TBC1D4: variants seen among roughly 807,000 people sequenced by gnomAD.
The protein encoded by TBC1D4 is TBC (Tre-2, BUB2, CDC16) domain-containing protein.
TBC1D4 carries 121 observed loss-of-function variants against 142.5 expected under a neutral mutation model. The ratio of observed to expected loss-of-function variants is 0.85; its 90% CI spans 0.73 to 0.99. TBC1D4 has a LOEUF of 0.99. Ranked by LOEUF, TBC1D4 falls within the 50% of genes least tolerant of loss-of-function variation. The probability of loss-of-function intolerance (pLI) is 0.00; values close to 1 mark genes in which losing one functional copy is unlikely to be tolerated. For missense variants in TBC1D4, 1,475 were observed against 1,606.6 expected (o/e 0.92, Z 1.40); for synonymous variants, 630 against 628.2 (o/e 1.00, Z -0.04).
intron 4 of TBC1D4, among the ~76,000 whole-genome samples, chr13:75,355,034 A>C (rs752332417): frequency 7.9e-5 from 12 of 152,206 alleles, no homozygotes; most frequent in Non-Finnish European, 1.0e-4. Context: ...TCTTTTAGAG[A>C]AAAAGATGAA....
intron 11 of TBC1D4, among the ~76,000 whole-genome samples, chr13:75,322,954 G>C (rs1878902910): frequency 1.2e-4 from 18 of 152,060 alleles, no homozygotes. Context: ...GTTGGAACAT[G>C]ACTTTGTACT....
intron 1 of TBC1D4, among the ~76,000 whole-genome samples, chr13:75,403,563 A>T (rs981361788): frequency 3.3e-5 from 5 of 152,238 alleles, no homozygotes; most frequent in Admixed American, 2.0e-4. Flanking sequence ...TGCTGCTCCA[A>T]AATAAAGCAA....
chr13:75,458,397 G>A (rs9573546), intron 1 of TBC1D4, among the ~76,000 whole-genome samples: 5,332 of 152,124 alleles, frequency 0.035, 246 homozygotes, highest in East Asian at 0.23. Flanking sequence ...TTCTCTACTC[G>A]TGACTCGCGG....
rs200296555 is a variant in TBC1D4 at position 75,292,308 on chromosome 13, T to C, written c.3317-37A>G. On this transcript the variant is annotated intron_variant, in intron 18 of 20. Coordinates refer to ENST00000377636, the MANE Select transcript of TBC1D4 (RefSeq NM_014832.5). The stretch of plus-strand genomic sequence containing the variant: ...GATATAATTTTCATGATCAAAACTA[T>C]GCATCCACTCTTGTAAAAAGCACGC... 245 of 1,554,042 alleles carry C rather than the reference T, an allele frequency of 1.6e-4. 1 individual carries two copies. In the African/African-American group the frequency reaches 2.7e-3, roughly 17 times the overall value.
intron 1 of TBC1D4, among the ~76,000 whole-genome samples, chr13:75,456,623 G>T (rs992356354): frequency 6.6e-6 from 1 of 151,686 alleles, no homozygotes; most frequent in Non-Finnish European, 1.5e-5. Context: ...TACAAGAATG[G>T]CTAAAATGAA....
intron 1 of TBC1D4, among the ~76,000 whole-genome samples, chr13:75,454,194 C>T (rs907062770): frequency 1.3e-5 from 2 of 151,910 alleles, no homozygotes; most frequent in Non-Finnish European, 2.9e-5. Context: ...AGTTCAAGAC[C>T]AGCCTGGGCA....
chr13:75,291,053 G>A (rs989319553), intron 19 of TBC1D4, among the ~76,000 whole-genome samples: 12 of 152,154 alleles, frequency 7.9e-5, no homozygotes, highest in Non-Finnish European at 1.6e-4. Flanking sequence ...GCAATATATA[G>A]CTACCACTCA....
At chr13:75,325,833 G>A (rs1272900757) in intron 10 of TBC1D4, among the ~76,000 whole-genome samples, 1 of 152,152 alleles carries the variant, frequency 6.6e-6, no homozygotes, top group Non-Finnish European at 1.5e-5. Flanking sequence ...CTAACAGGAA[G>A]TTCTAATGCT....
chr13:75,325,754 T>C (rs1275057159), intron 10 of TBC1D4, among the ~76,000 whole-genome samples: 2 of 152,230 alleles, frequency 1.3e-5, no homozygotes, highest in Admixed American at 6.5e-5. Flanking sequence ...TAACAAAATA[T>C]AGCCAAATAT....
chr13:75,308,701 T>C (rs982512882), intron 14 of TBC1D4, among the ~76,000 whole-genome samples: 4 of 152,236 alleles, frequency 2.6e-5, no homozygotes, highest in African/African-American at 9.6e-5. Flanking sequence ...TATAACTACT[T>C]GCTTACAAAT....
chr13:75,300,546 G>T (rs549431), intron 16 of TBC1D4, among the ~76,000 whole-genome samples: 7,392 of 152,112 alleles, frequency 0.049, 426 homozygotes, highest in African/African-American at 0.14. Context: ...GATTAATTCT[G>T]CAGAGCCAGT....
chr13:75,315,806 G>A (rs1217099723), intron 12 of TBC1D4, among the ~76,000 whole-genome samples: 1 of 152,108 alleles, frequency 6.6e-6, no homozygotes, highest in African/African-American at 2.4e-5. Flanking sequence ...ACCCTTTATT[G>A]GGAGTCAAGT....
chr13:75,318,717 A>G (rs2137972282), intron 12 of TBC1D4, among the ~76,000 whole-genome samples: 1 of 152,380 alleles, frequency 6.6e-6, no homozygotes, highest in South Asian at 2.1e-4. Context: ...TCTAGTGGAA[A>G]TCAATATATA....
chr13:75,396,615 T>TAA, intron 1 of TBC1D4, among the ~76,000 whole-genome samples: 1 of 152,148 alleles, frequency 6.6e-6, no homozygotes, highest in African/African-American at 2.4e-5. Context: ...AATTATCAAT[T>TAA]TTTAAAACCC....
intron 1 of TBC1D4, among the ~76,000 whole-genome samples, chr13:75,471,287 A>C (rs936731053): frequency 6.6e-6 from 1 of 152,248 alleles, no homozygotes; most frequent in African/African-American, 2.4e-5. Context: ...TACTTTATTT[A>C]CATGAACAGA....
At chr13:75,451,619 G>T (rs974024439) in intron 1 of TBC1D4, among the ~76,000 whole-genome samples, 1 of 150,322 alleles carries the variant, frequency 6.7e-6, no homozygotes, top group Non-Finnish European at 1.5e-5. Context: ...GTTTGAGGAT[G>T]TAGTGAGCTA....
intron 1 of TBC1D4, among the ~76,000 whole-genome samples, chr13:75,366,170 G>T (rs921805776): frequency 6.6e-6 from 1 of 152,174 alleles, no homozygotes; most frequent in Non-Finnish European, 1.5e-5. Flanking sequence ...TTTAAGGCAA[G>T]ATTTCTACTC....
chr13:75,299,823 CAAAAAAA>C (rs56719877), intron 16 of TBC1D4, among the ~76,000 whole-genome samples: 53,536 of 106,150 alleles, frequency 0.5, 10,709 homozygotes, highest in Non-Finnish European at 0.56. Context: ...TTCTTTCCAG[CAAAAAAA>C]AAAAAAAAAA....
At chr13:75,394,612 C>G (rs1456049082) in intron 1 of TBC1D4, among the ~76,000 whole-genome samples, 2 of 152,036 alleles carry the variant, frequency 1.3e-5, no homozygotes, top group African/African-American at 4.8e-5. Context: ...TATTAAATAG[C>G]AAACATAAAT....
Sources: gnomAD v4.1 joint callset for allele counts (sites outside exome capture counted in the v4.1 genomes callset) on GRCh38, gnomAD v4.1.1 for gene constraint, MANE v1.5 for transcripts, NCBI Gene and HGNC (gene_info 2026-07-23, HGNC 2026-07-21) for gene names.